SPOCK3: variants seen among roughly 807,000 people sequenced by gnomAD.
SPOCK3 encodes testican-3.
In SPOCK3, 30 loss-of-function variants were observed where a neutral mutation model predicts 56.6. That is an observed-to-expected ratio of 0.53 (90% CI 0.40 to 0.72). The LOEUF (loss-of-function observed/expected upper bound fraction) is 0.72, where lower values mean the gene tolerates loss of function less well. SPOCK3 is among the 30% of genes least tolerant of loss of function. The pLI, the probability that SPOCK3 is intolerant of heterozygous loss-of-function variation, is 0.00. For missense variants in SPOCK3, 527 were observed against 530.0 expected, an observed-to-expected ratio of 0.99 and a Z score of 0.06; for synonymous variants, 196 against 183.3, an observed-to-expected ratio of 1.07 and a Z score of -0.56.
chr4:167,193,361 C>T lies in SPOCK3; in HGVS notation c.189+40624G>A, dbSNP rs781675821. On this transcript the variant is annotated intron_variant, in intron 2 of 10. Transcript: ENST00000357545. ...TTTGTTATAATATAGTAGTCTATTTCAAAATTATAACTAACTTCAATGGCA... is the reference window on the plus strand; with the variant it reads ...TTTGTTATAATATAGTAGTCTATTTTAAAATTATAACTAACTTCAATGGCA... 4.8e-5 allele frequency among the ~76,000 whole-genome samples: 7 copies of T among 145,786 alleles called. 1 individual carries two copies. Among genetic ancestry groups the T allele is most frequent in the Non-Finnish European group, 9.0e-5 (6 of 66,996 alleles).
intron 8 of SPOCK3, among the ~76,000 whole-genome samples, chr4:166,746,941 T>G (rs1399759515): frequency 6.6e-6 from 1 of 152,066 alleles, no homozygotes; most frequent in Non-Finnish European, 1.5e-5. Context: ...CAGGAAGAAG[T>G]TGAATCCCTG....
chr4:167,167,610 C>T (rs1257769671), intron 2 of SPOCK3, among the ~76,000 whole-genome samples: 1 of 152,134 alleles, frequency 6.6e-6, no homozygotes, highest in Non-Finnish European at 1.5e-5. Context: ...AAGTACAAAA[C>T]CCCACTTTCT....
At position 166,925,378 on chromosome 4, in the gene SPOCK3, G is replaced by GA. The variant is rs1375460951; in HGVS notation, c.351-12636dup. Among the ~76,000 whole-genome samples, 20 of 151,090 alleles carry GA rather than the reference G, an allele frequency of 1.3e-4. 1 individual carries two copies. Among genetic ancestry groups the GA allele is most frequent in the South Asian group, 6.3e-4 (3 of 4,778 alleles). On this transcript the variant is annotated intron_variant, in intron 4 of 10. Transcript: ENST00000357545. ...TAAGAAATAGTAGAACTACAAAATA[G>GA]AAGAAAAAACGTATTCCCCAAATCA...
chr4:167,152,046 T>C (rs905598729), intron 2 of SPOCK3, among the ~76,000 whole-genome samples: 3 of 152,180 alleles, frequency 2.0e-5, no homozygotes, highest in South Asian at 2.1e-4. Flanking sequence ...ATTTAAAATA[T>C]GTAATGAAGC....
rs538905745 is a variant in SPOCK3, at chr4:167,063,417, G to A, written c.190-880C>T. ...TATGGTAACCTGCCAAAAGAGAGTA[G>A]CACATCATGGTGAAGCTGTAACATT... On this transcript the variant is annotated intron_variant, in intron 2 of 10. Coordinates refer to ENST00000357545, the MANE Select transcript of SPOCK3 (RefSeq NM_001040159.2). Among the ~76,000 whole-genome samples the A allele has an allele frequency of 2.0e-4, 31 of 151,924 alleles. 1 individual carries two copies. The South Asian group carries it at 6.2e-3, about 30-fold the overall frequency.
chr4:167,071,750 G>A (rs903750549), intron 2 of SPOCK3, among the ~76,000 whole-genome samples: 8 of 151,948 alleles, frequency 5.3e-5, no homozygotes, highest in Admixed American at 6.6e-5. Context: ...TAATGGGATC[G>A]CTGGGTCAAA....
intron 6 of SPOCK3, among the ~76,000 whole-genome samples, chr4:166,861,828 T>C (rs1001039238): frequency 2.0e-5 from 3 of 152,126 alleles, no homozygotes; most frequent in African/African-American, 4.8e-5. Context: ...TGGCAGCAGC[T>C]GCAAATTTTT....
At chr4:166,939,531 G>A (rs1383554703) in intron 4 of SPOCK3, among the ~76,000 whole-genome samples, 6 of 152,108 alleles carry the variant, frequency 3.9e-5, no homozygotes, top group Non-Finnish European at 8.8e-5. Context: ...TACAAGGAAG[G>A]AAATCCATAG....
chr4:167,029,670 G>GAT (rs1458565778), intron 3 of SPOCK3, among the ~76,000 whole-genome samples: 3 of 151,940 alleles, frequency 2.0e-5, no homozygotes, highest in Non-Finnish European at 4.4e-5. Context: ...TTTCCTTTTA[G>GAT]ATAATCAGTC....
chr4:167,205,208 TTATA>T (rs1270473144), intron 2 of SPOCK3, among the ~76,000 whole-genome samples: 1 of 98,594 alleles, frequency 1.0e-5, no homozygotes, highest in Non-Finnish European at 1.9e-5. Flanking sequence ...ATAATATATA[TTATA>T]TATTATATAT....
chr4:166,766,001 T>C (rs1737985506), intron 7 of SPOCK3, among the ~76,000 whole-genome samples: 1 of 152,202 alleles, frequency 6.6e-6, no homozygotes. Flanking sequence ...CTGTTATTGG[T>C]GTATAAGAAT....
At chr4:167,028,761 A>C (rs772166600) in intron 3 of SPOCK3, among the ~76,000 whole-genome samples, 22 of 152,088 alleles carry the variant, frequency 1.4e-4, no homozygotes, top group Non-Finnish European at 2.5e-4. Flanking sequence ...TAGGAACAAC[A>C]TACAGTTTCT....
intron 4 of SPOCK3, among the ~76,000 whole-genome samples, chr4:166,924,689 T>C (rs145667673): frequency 3.9e-5 from 6 of 152,298 alleles, no homozygotes; most frequent in Admixed American, 6.5e-5. Flanking sequence ...ACATGGCTGG[T>C]AAGTGGAATG....
intron 3 of SPOCK3, among the ~76,000 whole-genome samples, chr4:167,027,203 A>G (rs923305209): frequency 6.6e-6 from 1 of 151,982 alleles, no homozygotes; most frequent in African/African-American, 2.4e-5. Context: ...AAATTTCTTC[A>G]CACAGTCTTC....
At chr4:167,146,541 A>C (rs1763976499) in intron 2 of SPOCK3, among the ~76,000 whole-genome samples, 1 of 152,140 alleles carries the variant, frequency 6.6e-6, no homozygotes, top group Admixed American at 6.6e-5. Context: ...CTTATTCTAA[A>C]ATTGACCACA....
At position 167,013,933 on chromosome 4, in the gene SPOCK3, A is replaced by G. The variant is rs900891942; in HGVS notation, c.236-13470T>C. On this transcript the variant is annotated intron_variant, in intron 3 of 10. Transcript: ENST00000357545. The stretch of plus-strand genomic sequence containing the variant: ...AGCCTGGGAGGTAGTGCATAAACAC[A>G]TAAGAAATATATTTAAGAATTCACA... Among the ~76,000 whole-genome samples, 58 of 152,184 alleles carry G rather than the reference A, an allele frequency of 3.8e-4. 2 individuals carry two copies. Among genetic ancestry groups the G allele is most frequent in the Admixed American group, 3.7e-3 (57 of 15,264 alleles).
At chr4:167,093,643 A>G (rs1037981188) in intron 2 of SPOCK3, among the ~76,000 whole-genome samples, 4 of 152,184 alleles carry the variant, frequency 2.6e-5, no homozygotes, top group African/African-American at 7.2e-5. Flanking sequence ...TAATGGCTGC[A>G]TAGTATTTCA....
intron 7 of SPOCK3, among the ~76,000 whole-genome samples, chr4:166,786,490 G>A (rs905514480): frequency 1.3e-5 from 2 of 152,024 alleles, no homozygotes; most frequent in Non-Finnish European, 2.9e-5. Context: ...TTATGATCCT[G>A]GATCATGAGA....
chr4:167,183,411 C>G (rs1731670587), intron 2 of SPOCK3, among the ~76,000 whole-genome samples: 1 of 151,740 alleles, frequency 6.6e-6, no homozygotes, highest in East Asian at 1.9e-4. Flanking sequence ...TAAAAAATGA[C>G]TTCTAGTCAG....
Sources: allele counts gnomAD v4.1 joint callset (sites outside exome capture counted in the v4.1 genomes callset), GRCh38; gene constraint gnomAD v4.1.1; transcripts MANE v1.5; gene names NCBI Gene and HGNC (gene_info 2026-07-23, HGNC 2026-07-21).